The following KCNN2 variants were observed in gnomAD, a reference collection of about 807,000 sequenced individuals.
The protein encoded by KCNN2 is potassium calcium-activated channel subfamily N member 2, also known as small conductance calcium-activated potassium channel protein 2.
Under a neutral mutation model 55.5 loss-of-function variants are expected in KCNN2, and 24 were observed. The observed-to-expected ratio is 0.43, with a 90% CI of 0.31 to 0.61. The LOEUF (loss-of-function observed/expected upper bound fraction) is 0.61. Among genes scored for constraint, KCNN2 ranks in the 20% least tolerant of loss-of-function variants. KCNN2 has a pLI of 0.08. For synonymous variants in KCNN2, 431 were observed against 336.1 expected, an observed-to-expected ratio of 1.28 and a Z score of -3.09; for missense variants, 754 against 853.6, an observed-to-expected ratio of 0.88 and a Z score of 1.45.
intron 2 of KCNN2, among the ~76,000 whole-genome samples, chr5:114,275,182 G>C (rs1244534721): frequency 2.0e-5 from 3 of 152,174 alleles, no homozygotes; most frequent in African/African-American, 7.2e-5. Flanking sequence ...CAGGGATGAA[G>C]CTGACTTGAT....
intron 1 of KCNN2, among the ~76,000 whole-genome samples, chr5:114,191,583 G>A (rs1038699883): frequency 4.6e-5 from 7 of 152,036 alleles, no homozygotes; most frequent in Admixed American, 2.0e-4. Flanking sequence ...ACAGAGATGG[G>A]GCTATGGATG....
chr5:114,362,880 GC>G lies in KCNN2; in HGVS notation c.747del (p.Ala250ArgfsTer131). ...TGGACTCAGAGGCGCAGCCCCTGCA[GC>G]CCCCCGCGTCTGTCGGAGGAGGTGG... ...EMDSEAQPLQ[P>X]PASVGGGGGA... On this transcript the variant is annotated frameshift_variant, in exon 1 of 8. Transcript: ENST00000673685. LOFTEE classifies it high-confidence loss of function. The G allele has an allele frequency of 6.3e-7, 1 of 1,598,568 alleles. No individual in the cohort carries two copies. Among genetic ancestry groups the G allele is most frequent in the Non-Finnish European group, 8.5e-7 (1 of 1,178,754 alleles).
intron 1 of KCNN2, among the ~76,000 whole-genome samples, chr5:114,217,857 A>G (rs888622079): frequency 1.3e-5 from 2 of 152,200 alleles, no homozygotes; most frequent in African/African-American, 4.8e-5. Flanking sequence ...CACATCTGAT[A>G]AAGGCCTGTT....
chr5:114,219,633 G>A (rs141478362), intron 1 of KCNN2, among the ~76,000 whole-genome samples: 25 of 152,082 alleles, frequency 1.6e-4, no homozygotes, highest in Non-Finnish European at 3.4e-4. Flanking sequence ...GGCAGGGAGG[G>A]GCCATATGTG....
intron 3 of KCNN2, among the ~76,000 whole-genome samples, chr5:114,444,145 T>C (rs1159526835): frequency 2.6e-5 from 4 of 152,166 alleles, no homozygotes; most frequent in Admixed American, 6.5e-5. Flanking sequence ...CTCCCACTTA[T>C]TCATTCACCA....
At chr5:114,223,656 C>A (rs1236521406) in intron 2 of KCNN2, among the ~76,000 whole-genome samples, 1 of 152,018 alleles carries the variant, frequency 6.6e-6, no homozygotes, top group African/African-American at 2.4e-5. Flanking sequence ...AATTGACAAC[C>A]TGAAAAAAGA....
intron 2 of KCNN2, among the ~76,000 whole-genome samples, chr5:114,311,065 T>G (rs1344586793): frequency 1.3e-5 from 2 of 152,088 alleles, no homozygotes; most frequent in East Asian, 3.9e-4. Context: ...ATTTGGGCAG[T>G]GACTTGGTGA....
At chr5:114,415,381 G>A (rs1184369595) in intron 3 of KCNN2, among the ~76,000 whole-genome samples, 1 of 152,166 alleles carries the variant, frequency 6.6e-6, no homozygotes, top group Non-Finnish European at 1.5e-5. Context: ...ATGTATGAAG[G>A]TTCCAGTTTT....
At chr5:114,101,037 C>T (rs1055601033) in intron 1 of KCNN2, among the ~76,000 whole-genome samples, 1 of 151,598 alleles carries the variant, frequency 6.6e-6, no homozygotes, top group South Asian at 2.1e-4. Context: ...GCTTTAATAA[C>T]TTTATATTTT....
intron 2 of KCNN2, among the ~76,000 whole-genome samples, chr5:114,335,532 C>G (rs948294175): frequency 3.3e-5 from 5 of 152,116 alleles, no homozygotes; most frequent in African/African-American, 4.8e-5. Flanking sequence ...GTGTTAGGCC[C>G]TAATTCTGAG....
intron 3 of KCNN2, among the ~76,000 whole-genome samples, chr5:114,448,928 A>T (rs545333360): frequency 6.6e-6 from 1 of 152,296 alleles, no homozygotes; most frequent in Admixed American, 6.5e-5. Context: ...TGAGAGCCCT[A>T]AACAGAAGCC....
chr5:114,341,627 G>A (rs999264500), intron 2 of KCNN2, among the ~76,000 whole-genome samples: 2 of 151,888 alleles, frequency 1.3e-5, no homozygotes, highest in African/African-American at 2.4e-5. Flanking sequence ...CTTTATCTTC[G>A]AAGCCAGAGA....
intron 2 of KCNN2, among the ~76,000 whole-genome samples, chr5:114,334,985 G>A (rs771671953): frequency 7.2e-5 from 11 of 151,966 alleles, no homozygotes; most frequent in Non-Finnish European, 1.0e-4. Flanking sequence ...GTGCAGTGTC[G>A]CGATCTTGGC....
chr5:114,446,128 T>C (rs1760398000), intron 3 of KCNN2, among the ~76,000 whole-genome samples: 2 of 152,172 alleles, frequency 1.3e-5, no homozygotes, highest in Non-Finnish European at 2.9e-5. Context: ...AGTAAACTAA[T>C]ATACAAAAAT....
chr5:114,489,908 C>T (rs1171236616), intron 6 of KCNN2, among the ~76,000 whole-genome samples: 1 of 152,168 alleles, frequency 6.6e-6, no homozygotes, highest in Admixed American at 6.5e-5. Flanking sequence ...GCCTCTCCTA[C>T]TCTCTGATTT....
intron 2 of KCNN2, among the ~76,000 whole-genome samples, chr5:114,297,651 G>A (rs1467476458): frequency 1.3e-5 from 2 of 151,918 alleles, no homozygotes; most frequent in African/African-American, 2.4e-5. Flanking sequence ...ATCCTTCTTT[G>A]CAAATATATT....
At chr5:114,421,470 T>TA (rs1759469404) in intron 3 of KCNN2, among the ~76,000 whole-genome samples, 2 of 151,464 alleles carry the variant, frequency 1.3e-5, no homozygotes, top group Admixed American at 1.3e-4. Flanking sequence ...TTTGTATTTT[T>TA]AGTAGAGATG....
At chr5:114,244,713 T>G (rs1403985960) in intron 2 of KCNN2, among the ~76,000 whole-genome samples, 1 of 152,092 alleles carries the variant, frequency 6.6e-6, no homozygotes, top group African/African-American at 2.4e-5. Context: ...ATCTGTGTTG[T>G]GTTGGTGAAG....
intron 1 of KCNN2, among the ~76,000 whole-genome samples, chr5:114,133,767 A>G (rs2112615304): frequency 6.6e-6 from 1 of 152,336 alleles, no homozygotes; most frequent in Middle Eastern, 3.4e-3. Context: ...TGTTAACACT[A>G]ATACTACATT....
Sources: allele counts gnomAD v4.1 joint callset (sites outside exome capture counted in the v4.1 genomes callset), GRCh38; gene constraint gnomAD v4.1.1; transcripts MANE v1.5; gene names NCBI Gene and HGNC (gene_info 2026-07-23, HGNC 2026-07-21).